Variants in RBFOX1 observed in about 807,000 individuals in gnomAD.
RBFOX1 encodes RNA binding protein fox-1 homolog 1.
In RBFOX1, 8 loss-of-function variants were observed where a neutral mutation model predicts 57.7. The ratio of observed to expected loss-of-function variants is 0.14; its 90% CI spans 0.08 to 0.25. RBFOX1 has a LOEUF of 0.25. RBFOX1 is among the 10% of genes least tolerant of loss of function. The probability of loss-of-function intolerance (pLI) is 1.00; values close to 1 mark genes in which losing one functional copy is unlikely to be tolerated. For synonymous variants in RBFOX1, 326 were observed against 222.4 expected, an observed-to-expected ratio of 1.47 and a Z score of -4.15; for missense variants, 611 against 548.5, an observed-to-expected ratio of 1.11 and a Z score of -1.14.
At chr16:6,676,757 C>T (rs958596250) in intron 3 of RBFOX1, among the ~76,000 whole-genome samples, 7 of 147,006 alleles carry the variant, frequency 4.8e-5, no homozygotes, top group South Asian at 2.1e-4. Context: ...GTCACTGCAA[C>T]CTTTGCCTCC....
At chr16:7,155,371 C>G (rs1297817708) in intron 4 of RBFOX1, among the ~76,000 whole-genome samples, 1 of 151,830 alleles carries the variant, frequency 6.6e-6, no homozygotes, top group Non-Finnish European at 1.5e-5. Flanking sequence ...CAGTGGGTCA[C>G]TTAAGCCAGG....
chr16:5,427,752 A>T (rs752564736), intron 1 of RBFOX1, among the ~76,000 whole-genome samples: 1 of 152,136 alleles, frequency 6.6e-6, no homozygotes, highest in Non-Finnish European at 1.5e-5. Flanking sequence ...TGTTTTGCTC[A>T]TGCCTTCACC....
intron 3 of RBFOX1, among the ~76,000 whole-genome samples, chr16:5,613,381 G>T (rs1596459289): frequency 6.6e-6 from 1 of 152,158 alleles, no homozygotes; most frequent in South Asian, 2.1e-4. Context: ...TCTGTACGTG[G>T]GTGCAACGTT....
At chr16:6,244,751 A>C (rs997881455) in intron 1 of RBFOX1, among the ~76,000 whole-genome samples, 1 of 152,004 alleles carries the variant, frequency 6.6e-6, no homozygotes. Context: ...CTCGTGATCC[A>C]CCTTCCTTGA....
chr16:6,087,577 T>A (rs1352156), intron 1 of RBFOX1, among the ~76,000 whole-genome samples: 3 of 151,438 alleles, frequency 2.0e-5, no homozygotes, highest in Non-Finnish European at 4.4e-5. Flanking sequence ...CGAAGTGTAA[T>A]ACTTTAAATA....
chr16:6,297,546 G>A (rs1007891324), intron 1 of RBFOX1, among the ~76,000 whole-genome samples: 1 of 152,092 alleles, frequency 6.6e-6, no homozygotes, highest in African/African-American at 2.4e-5. Context: ...GTGGTGATTT[G>A]TACAGTAGTC....
chr16:7,434,333 A>C (rs1207469521), intron 4 of RBFOX1, among the ~76,000 whole-genome samples: 1 of 152,094 alleles, frequency 6.6e-6, no homozygotes, highest in Non-Finnish European at 1.5e-5. Flanking sequence ...TTAGCTGGGC[A>C]CAGTGGCGGG....
intron 4 of RBFOX1, among the ~76,000 whole-genome samples, chr16:7,061,758 A>G (rs151213467): frequency 4.1e-4 from 63 of 152,296 alleles, no homozygotes; most frequent in African/African-American, 1.4e-3. Context: ...TGACATTTTA[A>G]TTTGTCATAG....
At chr16:7,351,452 T>C (rs1427755118) in intron 4 of RBFOX1, among the ~76,000 whole-genome samples, 1 of 152,242 alleles carries the variant, frequency 6.6e-6, no homozygotes, top group African/African-American at 2.4e-5. Context: ...GGAATTTATG[T>C]TCTTGTAGGG....
At chr16:6,291,057 G>A (rs971225169) in intron 1 of RBFOX1, among the ~76,000 whole-genome samples, 2 of 152,166 alleles carry the variant, frequency 1.3e-5, no homozygotes, top group African/African-American at 4.8e-5. Flanking sequence ...GTAACTTGCT[G>A]ATGTTGCCAT....
chr16:6,414,304 T>A (rs1326582370), intron 2 of RBFOX1, among the ~76,000 whole-genome samples: 1 of 152,240 alleles, frequency 6.6e-6, no homozygotes, highest in Non-Finnish European at 1.5e-5. Flanking sequence ...TACTTATATA[T>A]GTATATGCAA....
At chr16:6,478,531 C>G (rs1359068117) in intron 2 of RBFOX1, among the ~76,000 whole-genome samples, 6 of 147,388 alleles carry the variant, frequency 4.1e-5, no homozygotes, top group African/African-American at 1.5e-4. Flanking sequence ...GCCTTGGCCT[C>G]CCAAAATGCT....
intron 3 of RBFOX1, among the ~76,000 whole-genome samples, chr16:6,870,688 A>G (rs527760215): frequency 3.7e-4 from 57 of 152,228 alleles, no homozygotes; most frequent in Non-Finnish European, 6.2e-4. Context: ...ATTTTACAGC[A>G]CAGTTTAATT....
chr16:6,865,123 C>G (rs111367090), intron 3 of RBFOX1, among the ~76,000 whole-genome samples: 1 of 151,458 alleles, frequency 6.6e-6, no homozygotes. Flanking sequence ...CACCCTTAGC[C>G]TCCCAAGTAG....
intron 5 of RBFOX1, among the ~76,000 whole-genome samples, chr16:7,559,313 C>CACCTAG (rs2089698992): frequency 5.5e-5 from 8 of 145,602 alleles, no homozygotes; most frequent in African/African-American, 8.5e-5. Flanking sequence ...ATCTCTTTCT[C>CACCTAG]TCAGTCTCTC....
chr16:6,818,609 A>C (rs1441908822), intron 3 of RBFOX1, among the ~76,000 whole-genome samples: 1 of 152,154 alleles, frequency 6.6e-6, no homozygotes, highest in African/African-American at 2.4e-5. Context: ...CTAGTAGGGC[A>C]TGTATCACTC....
intron 3 of RBFOX1, among the ~76,000 whole-genome samples, chr16:6,826,830 T>G (rs1212631566): frequency 6.6e-6 from 1 of 152,210 alleles, no homozygotes; most frequent in Non-Finnish European, 1.5e-5. Context: ...TAAGATAAAT[T>G]AATTTTAAAT....
chr16:5,409,743 G>C (rs190154006), intron 1 of RBFOX1, among the ~76,000 whole-genome samples: 1 of 152,068 alleles, frequency 6.6e-6, no homozygotes, highest in Admixed American at 6.6e-5. Flanking sequence ...AAGTATTCCA[G>C]TCTCTTAAAA....
chr16:6,370,388 AAAAG>A (rs1210122700), intron 2 of RBFOX1, among the ~76,000 whole-genome samples: 16 of 150,288 alleles, frequency 1.1e-4, no homozygotes, highest in African/African-American at 3.9e-4. Context: ...AAAAAAAAAA[AAAAG>A]AACACACCCT....
Sources: gnomAD v4.1 joint callset for allele counts (sites outside exome capture counted in the v4.1 genomes callset) on GRCh38, gnomAD v4.1.1 for gene constraint, MANE v1.5 for transcripts, NCBI Gene and HGNC (gene_info 2026-07-23, HGNC 2026-07-21) for gene names.